LRRIQ1: variants seen among roughly 807,000 people sequenced by gnomAD.
LRRIQ1 encodes the protein leucine-rich repeat- and IQ domain-containing protein 1.
LRRIQ1 carries 210 observed loss-of-function variants against 211.9 expected under a neutral mutation model. The observed-to-expected ratio is 0.99, with a 90% CI of 0.89 to 1.11. The LOEUF (loss-of-function observed/expected upper bound fraction) is 1.11. Ranked by LOEUF, LRRIQ1 falls within the 50% of genes most tolerant of loss-of-function variation. The pLI, the probability that LRRIQ1 is intolerant of heterozygous loss-of-function variation, is 0.00. For synonymous variants in LRRIQ1, 699 were observed against 650.1 expected (o/e 1.08, Z -1.14); for missense variants, 2,136 against 1,939.5 (o/e 1.10, Z -1.90).
intron 24 of LRRIQ1, among the ~76,000 whole-genome samples, chr12:85,161,765 G>A (rs887087249): frequency 1.1e-4 from 16 of 152,296 alleles, no homozygotes; most frequent in African/African-American, 3.6e-4. Flanking sequence ...AATAGTCTGG[G>A]CGTGATGGCT....
chr12:85,173,065 T>C (rs544391141), intron 24 of LRRIQ1, among the ~76,000 whole-genome samples: 2 of 152,222 alleles, frequency 1.3e-5, no homozygotes, highest in African/African-American at 4.8e-5. Context: ...GCCGAGTTCA[T>C]GCCATTGCAT....
At chr12:85,195,350 G>T (rs1892841583) in intron 24 of LRRIQ1, among the ~76,000 whole-genome samples, 2 of 151,028 alleles carry the variant, frequency 1.3e-5, no homozygotes, top group African/African-American at 4.9e-5. Context: ...TGATACCAAA[G>T]CCAGGCAGAC....
At chr12:85,142,430 C>T (rs1457544451) in intron 19 of LRRIQ1, among the ~76,000 whole-genome samples, 1 of 151,476 alleles carries the variant, frequency 6.6e-6, no homozygotes, top group Non-Finnish European at 1.5e-5. Flanking sequence ...GTAAACCTAG[C>T]TAATTAGCAT....
chr12:85,126,366 TTTCC>T (rs144867829), intron 17 of LRRIQ1, among the ~76,000 whole-genome samples: 5,435 of 152,168 alleles, frequency 0.036, 319 homozygotes, highest in African/African-American at 0.12. Context: ...TTTGATGTGT[TTTCC>T]CATAAGCCTT....
chr12:85,131,740 G>T (rs1888780085), intron 18 of LRRIQ1, among the ~76,000 whole-genome samples: 2 of 152,034 alleles, frequency 1.3e-5, no homozygotes, highest in South Asian at 4.1e-4. Flanking sequence ...GCTACAGGGG[G>T]TAAGAGTTGA....
chr12:85,042,934 T>C (rs184925562), intron 3 of LRRIQ1, among the ~76,000 whole-genome samples: 16 of 152,210 alleles, frequency 1.1e-4, no homozygotes, highest in Non-Finnish European at 1.9e-4. Flanking sequence ...ATATAGATGA[T>C]TGGGGTTCTC....
Position 85,137,944 on chromosome 12 carries a change from AT to A in LRRIQ1, c.4307del (p.Leu1436Ter). ...EESDEEYREIDLEDFIFDEAA... is the reference protein window; with the variant it reads ...EESDEEYREIXLEDFIFDEAA... Reference sequence around the variant, plus strand: ...TCCGATGAAGAATACAGAGAAATAGATTTAGAGGATTTTATATTTGATGAAG... The same window carrying A: ...TCCGATGAAGAATACAGAGAAATAGATTAGAGGATTTTATATTTGATGAAG... On this transcript the variant is annotated frameshift_variant, in exon 19 of 27. Transcript: ENST00000393217. LOFTEE classifies it high-confidence loss of function. 6.8e-7 allele frequency: 1 copy of A among 1,475,462 alleles called. No individual in the cohort carries two copies. The highest frequency in any genetic ancestry group is 2.3e-5 in the East Asian group (1 of 43,834). 91.4% of individuals were successfully genotyped at this position (1,475,462 alleles called of 1,614,324 possible).
intron 15 of LRRIQ1, among the ~76,000 whole-genome samples, chr12:85,108,421 C>T (rs1175467429): frequency 2.0e-5 from 3 of 152,010 alleles, no homozygotes; most frequent in South Asian, 2.1e-4. Context: ...AGCCACTGTG[C>T]CCGGTCTTCT....
intron 6 of LRRIQ1, among the ~76,000 whole-genome samples, chr12:85,050,834 C>G (rs1015740003): frequency 6.6e-6 from 1 of 152,164 alleles, no homozygotes; most frequent in South Asian, 2.1e-4. Flanking sequence ...GATCAAAGAA[C>G]TTTTCCCACT....
chr12:85,244,395 A>G (rs575719425), intron 26 of LRRIQ1, among the ~76,000 whole-genome samples: 2 of 151,750 alleles, frequency 1.3e-5, no homozygotes, highest in East Asian at 3.9e-4. Flanking sequence ...ATAAGTGGCA[A>G]CATATAATTT....
intron 13 of LRRIQ1, 35 bp downstream of exon 13, chr12:85,099,029 G>T: frequency 7.1e-7 from 1 of 1,412,180 alleles, no homozygotes; most frequent in Non-Finnish European, 9.6e-7. Context: ...TTCAGTGAAT[G>T]ATTGTTTAAA....
At chr12:85,239,913 C>CT (rs567828558) in intron 26 of LRRIQ1, among the ~76,000 whole-genome samples, 141 of 151,996 alleles carry the variant, frequency 9.3e-4, no homozygotes, top group African/African-American at 3.2e-3. Context: ...GGGAGGCAGA[C>CT]TTTGCAGTGA....
At chr12:85,054,178 A>T (rs1880693848) in intron 7 of LRRIQ1, among the ~76,000 whole-genome samples, 1 of 152,204 alleles carries the variant, frequency 6.6e-6, no homozygotes, top group Non-Finnish European at 1.5e-5. Context: ...AGTGTTTAAG[A>T]TATGACAGTA....
intron 11 of LRRIQ1, among the ~76,000 whole-genome samples, chr12:85,090,044 C>T (rs777815981): frequency 9.9e-5 from 15 of 152,198 alleles, no homozygotes; most frequent in African/African-American, 1.9e-4. Flanking sequence ...CCCCACATCC[C>T]GGCTGCTCTA....
intron 11 of LRRIQ1, among the ~76,000 whole-genome samples, chr12:85,080,920 T>C (rs1193857170): frequency 6.6e-6 from 1 of 152,084 alleles, no homozygotes; most frequent in East Asian, 1.9e-4. Flanking sequence ...AAAATAAAAT[T>C]GTGGAACCAA....
chr12:85,152,267 A>G lies in LRRIQ1; in HGVS notation c.4330-13A>G, dbSNP rs1890293192. 3 of 1,598,004 alleles carry G rather than the reference A, an allele frequency of 1.9e-6. No homozygotes were observed. In the African/African-American group the frequency reaches 4.0e-5, roughly 22 times the overall value. ...TAAGCTAAATTACATACATTTTAAT[A>G]TTATTTGTGCAGGCTGCCTTAGAAG... On this transcript the variant is annotated splice_polypyrimidine_tract_variant and intron_variant, in intron 19 of 26. Transcript: ENST00000393217.
At chr12:85,155,473 A>C (rs78469707) in intron 23 of LRRIQ1, among the ~76,000 whole-genome samples, 331 of 151,598 alleles carry the variant, frequency 2.2e-3, no homozygotes, top group African/African-American at 7.7e-3. Context: ...TAAATCTGGT[A>C]GTGTAATAAA....
At chr12:85,240,340 T>C (rs1895405268) in intron 26 of LRRIQ1, among the ~76,000 whole-genome samples, 1 of 152,116 alleles carries the variant, frequency 6.6e-6, no homozygotes, top group African/African-American at 2.4e-5. Context: ...AGCAACTGTA[T>C]CTCTCATGCA....
chr12:85,047,161 A>G, intron 5 of LRRIQ1, 86 bp from the exon 6 acceptor site: 1 of 611,462 alleles, frequency 1.6e-6, no homozygotes, highest in Non-Finnish European at 2.5e-6. Flanking sequence ...TTAAAAAAAA[A>G]TTAAAAAAAT....
Sources: gnomAD v4.1 joint callset for allele counts (sites outside exome capture counted in the v4.1 genomes callset) on GRCh38, gnomAD v4.1.1 for gene constraint, MANE v1.5 for transcripts, NCBI Gene and HGNC (gene_info 2026-07-23, HGNC 2026-07-21) for gene names.